WBP4: variants seen among roughly 807,000 people sequenced by gnomAD.
The protein encoded by WBP4 is WW domain binding protein 4.
In WBP4, 37 loss-of-function variants were observed where a neutral mutation model predicts 55.4. That is an observed-to-expected ratio of 0.67 (90% CI 0.51 to 0.88). WBP4 has a LOEUF of 0.88. WBP4 is among the 40% of genes least tolerant of loss of function. The pLI is 0.00. For synonymous variants in WBP4, 142 were observed against 140.2 expected (o/e 1.01, Z -0.09); for missense variants, 398 against 420.8 (o/e 0.95, Z 0.47).
intron 8 of WBP4, 55 bp downstream of exon 8, chr13:41,076,292 T>G: frequency 7.6e-7 from 1 of 1,323,068 alleles, no homozygotes; most frequent in Non-Finnish European, 1.0e-6. Context: ...TTTTTTTTTT[T>G]TTTTTGAGAT....
chr13:41,062,165 C>G (rs1158362407), intron 1 of WBP4: 6 of 915,582 alleles, frequency 6.6e-6, no homozygotes, highest in African/African-American at 2.2e-5. Context: ...CCAGTTCTCT[C>G]TTGCCTTGAG....
rs1878868034 is a variant in WBP4, at chr13:41,083,280, A to G, written c.*366A>G. On this transcript the variant is annotated 3_prime_UTR_variant, in exon 10 of 10. Transcript: ENST00000379487. ...AAATGCATTACTTTTGCACATTGAT[A>G]TTAACTGTTGTCCAACAAATAAGTA... The G allele has an allele frequency of 5.5e-6, 1 of 181,548 alleles. No individual in the cohort carries two copies. Among genetic ancestry groups the G allele is most frequent in the Non-Finnish European group, 1.2e-5 (1 of 85,102 alleles). The allele number at this position is 181,548 out of a possible 1,614,324, so 11.2% of individuals were successfully genotyped here.
chr13:41,080,726 T>C lies in WBP4; in HGVS notation c.837T>C (p.Gly279=), dbSNP rs747136080. The C allele has an allele frequency of 6.2e-7, 1 of 1,605,988 alleles. No individual in the cohort carries two copies. Among genetic ancestry groups the C allele is most frequent in the African/African-American group, 1.3e-5 (1 of 74,278 alleles). The part of the protein sequence containing the change: ...EKSIQKQNSL[G]SNEEKSKTLK... ...GTATTCAGAAACAGAATTCATTAGG[T>C]TCAAATGAAGAAAAATCGAAAACTC... Residue 279 remains glycine, a synonymous_variant, in exon 9 of 10, where the codon GGT becomes GGC. Transcript: ENST00000379487.
chr13:41,068,136 C>A (rs1160268772), intron 4 of WBP4, among the ~76,000 whole-genome samples: 2 of 151,908 alleles, frequency 1.3e-5, no homozygotes, highest in African/African-American at 4.8e-5. Flanking sequence ...TTTTAGTATA[C>A]CCATTGCCCA....
rs1401142882 is a variant in WBP4, at chr13:41,083,179, A to G, written c.*265A>G. The G allele has an allele frequency of 6.6e-5, 21 of 317,338 alleles. No homozygotes were observed. The highest frequency in any genetic ancestry group is 1.2e-5 in the Non-Finnish European group (2 of 170,828). The allele number at this position is 317,338 out of a possible 1,614,324, so 19.7% of individuals were successfully genotyped here. A position where few individuals can be genotyped will look rare whatever the true frequency, so the allele number is the denominator to read the frequency against. The stretch of plus-strand genomic sequence containing the variant: ...TAAGTCATAATTTAAGATGCTATGT[A>G]TCTGTTATTTAAAACATGGAGAAAC... On this transcript the variant is annotated 3_prime_UTR_variant, in exon 10 of 10. Coordinates refer to ENST00000379487, the MANE Select transcript of WBP4 (RefSeq NM_007187.5).
chr13:41,081,482 A>AG, intron 9 of WBP4, among the ~76,000 whole-genome samples: 1 of 138,520 alleles, frequency 7.2e-6, no homozygotes, highest in Non-Finnish European at 1.5e-5. Flanking sequence ...TGGGCAACAG[A>AG]GTAGGACCTT....
chr13:41,071,837 T>A (rs1375015138), intron 6 of WBP4, among the ~76,000 whole-genome samples: 2 of 151,906 alleles, frequency 1.3e-5, no homozygotes, highest in Non-Finnish European at 2.9e-5. Context: ...GGTCAGGAGT[T>A]AAAGACCAGC....
chr13:41,072,045 CAAAAAAAAAAA>C (rs560903455), intron 6 of WBP4, among the ~76,000 whole-genome samples: 2 of 50,800 alleles, frequency 3.9e-5, no homozygotes, highest in African/African-American at 1.2e-4. Flanking sequence ...GACTCCGTCT[CAAAAAAAAAAA>C]AAAAAAAAAA....
At chr13:41,082,512 C>A (rs937427985) in intron 9 of WBP4, among the ~76,000 whole-genome samples, 192 bp from the exon 10 acceptor site, 8 of 152,150 alleles carry the variant, frequency 5.3e-5, no homozygotes, top group Non-Finnish European at 1.2e-4. Flanking sequence ...CATAGAACTT[C>A]TCCCAGCATT....
intron 8 of WBP4, among the ~76,000 whole-genome samples, chr13:41,079,330 G>A (rs755768831): frequency 2.6e-5 from 4 of 152,098 alleles, no homozygotes; most frequent in African/African-American, 9.7e-5. Flanking sequence ...CAACACTTTG[G>A]GAGGCTGAGG....
Position 41,068,744 on chromosome 13 carries a change from C to A in WBP4, c.439+7C>A. On this transcript the variant is annotated splice_region_variant and intron_variant, in intron 5 of 9. Transcript: ENST00000379487. ...TATGATCTTATCTCAGGAGGTAAGT[C>A]ATTTAGGCATAAAACTGGTAAAGAA... 2 of 1,559,526 alleles carry A rather than the reference C, an allele frequency of 1.3e-6. No individual in the cohort carries two copies. The highest frequency in any genetic ancestry group is 2.5e-5 in the South Asian group (2 of 80,688).
rs147840333 is a variant in WBP4 at position 41,073,513 on chromosome 13, C to CAAAAAAA, written c.562+666_562+672dup. Reference sequence around the variant, plus strand: ...GGGCAACAAGAGCAAAACTCTGTCTCAAAAAAAAAAAAAAAAGTAGGCTAG... The same window carrying CAAAAAAA: ...GGGCAACAAGAGCAAAACTCTGTCTCAAAAAAAAAAAAAAAAAAAAAAAGTAGGCTAG... On this transcript the variant is annotated intron_variant, in intron 7 of 9. Transcript: ENST00000379487. Among the ~76,000 whole-genome samples the CAAAAAAA allele has an allele frequency of 2.9e-3, 325 of 112,174 alleles. 7 individuals carry two copies. The East Asian group carries it at 0.046, about 16-fold the overall frequency. 73.6% of individuals were successfully genotyped at this position (112,174 alleles called of 152,430 possible).
intron 4 of WBP4, among the ~76,000 whole-genome samples, 165 bp from the exon 5 acceptor site, chr13:41,068,396 C>T (rs1477888004): frequency 1.3e-5 from 2 of 152,014 alleles, no homozygotes; most frequent in Non-Finnish European, 2.9e-5. Context: ...TTACAGTTTT[C>T]CTTCCCTTAC....
At chr13:41,076,414 G>T (rs1217476487) in intron 8 of WBP4, among the ~76,000 whole-genome samples, 177 bp downstream of exon 8, 1 of 151,464 alleles carries the variant, frequency 6.6e-6, no homozygotes, top group Non-Finnish European at 1.5e-5. Flanking sequence ...GAGTAGCTGG[G>T]ACTACAGGTG....
chr13:41,079,541 C>CAA (rs35433682), intron 8 of WBP4, among the ~76,000 whole-genome samples: 15,988 of 101,458 alleles, frequency 0.16, 1,160 homozygotes, highest in Non-Finnish European at 0.2. Flanking sequence ...GACTCCGTCT[C>CAA]AAAAAAAAAA....
At chr13:41,070,769 G>A (rs143407478) in intron 5 of WBP4, among the ~76,000 whole-genome samples, 5 of 152,172 alleles carry the variant, frequency 3.3e-5, no homozygotes, top group Admixed American at 6.5e-5. Flanking sequence ...TTAAAGGAAT[G>A]GATAGAAGAA....
chr13:41,073,688 G>A (rs1405203962), intron 7 of WBP4, among the ~76,000 whole-genome samples: 3 of 151,804 alleles, frequency 2.0e-5, no homozygotes, highest in African/African-American at 7.3e-5. Flanking sequence ...GGCACCTGTA[G>A]TCCCAGCTAC....
chr13:41,070,757 T>C (rs1878206931), intron 5 of WBP4, among the ~76,000 whole-genome samples: 1 of 151,988 alleles, frequency 6.6e-6, no homozygotes, highest in Non-Finnish European at 1.5e-5. Flanking sequence ...GTGTTACATA[T>C]ATTAAAGGAA....
intron 8 of WBP4, among the ~76,000 whole-genome samples, chr13:41,079,764 T>C (rs892432383): frequency 1.3e-4 from 20 of 152,122 alleles, no homozygotes; most frequent in African/African-American, 4.1e-4. Context: ...CTTGCACTCA[T>C]ATATTTGTAG....
Sources: gnomAD v4.1 joint callset for allele counts (sites outside exome capture counted in the v4.1 genomes callset) on GRCh38, gnomAD v4.1.1 for gene constraint, MANE v1.5 for transcripts, NCBI Gene and HGNC (gene_info 2026-07-23, HGNC 2026-07-21) for gene names.